GAS2: variants seen among roughly 807,000 people sequenced by gnomAD.
The protein encoded by GAS2 is growth arrest-specific protein 2.
In GAS2, 20 loss-of-function variants were observed where a neutral mutation model predicts 37.5. The observed-to-expected ratio is 0.53, with a 90% CI of 0.37 to 0.77. GAS2 has a LOEUF of 0.77. Ranked by LOEUF, GAS2 falls within the 30% of genes least tolerant of loss-of-function variation. The probability of loss-of-function intolerance (pLI) is 0.00; values close to 1 mark genes in which losing one functional copy is unlikely to be tolerated. For missense variants in GAS2, 336 were observed against 373.4 expected, an observed-to-expected ratio of 0.90 and a Z score of 0.82; for synonymous variants, 144 against 132.2, an observed-to-expected ratio of 1.09 and a Z score of -0.61.
chr11:22,787,196 G>A (rs1056839762), intron 7 of GAS2, among the ~76,000 whole-genome samples: 1 of 152,140 alleles, frequency 6.6e-6, no homozygotes, highest in Non-Finnish European at 1.5e-5. Flanking sequence ...GGAGTTTTCT[G>A]AAATGTATGA....
chr11:22,719,716 G>A (rs1443558010), intron 3 of GAS2, among the ~76,000 whole-genome samples: 1 of 152,056 alleles, frequency 6.6e-6, no homozygotes, highest in Non-Finnish European at 1.5e-5. Context: ...CATACAGCCT[G>A]TAGTATTTTT....
chr11:22,661,635 G>A (rs1039857289), upstream of GAS2, among the ~76,000 whole-genome samples: 1 of 152,204 alleles, frequency 6.6e-6, no homozygotes, highest in African/African-American at 2.4e-5. Flanking sequence ...TTTCTTCAGA[G>A]GGAGACAGTG....
rs552052111 is a variant in GAS2, at chr11:22,803,551, C to T, written c.724-8247C>T. Reference sequence around the variant, plus strand: ...TTTTAATGGAATAAAGGATTCTTGTCCCAGTTCTGCTACTGATTTGTTGTG... The same window carrying T: ...TTTTAATGGAATAAAGGATTCTTGTTCCAGTTCTGCTACTGATTTGTTGTG... On this transcript the variant is annotated intron_variant, in intron 7 of 7. Transcript: ENST00000454584. Among the ~76,000 whole-genome samples the T allele has an allele frequency of 2.6e-5, 4 of 152,194 alleles. No individual in the cohort carries two copies. In the East Asian group the frequency reaches 7.7e-4, roughly 29 times the overall value.
chr11:22,735,042 C>T (rs1175151447), intron 4 of GAS2, among the ~76,000 whole-genome samples: 2 of 151,502 alleles, frequency 1.3e-5, no homozygotes, highest in Non-Finnish European at 3.0e-5. Flanking sequence ...AAACTTTAGC[C>T]TTTATTCAGT....
intron 1 of GAS2, among the ~76,000 whole-genome samples, chr11:22,655,838 C>G (rs1294242756): frequency 6.6e-6 from 1 of 152,066 alleles, no homozygotes; most frequent in East Asian, 1.9e-4. Context: ...TCTAGATGGG[C>G]CTGAAAATTA....
Position 22,779,961 on chromosome 11 carries a change from C to G in GAS2, c.723+24008C>G, listed in dbSNP as rs138024673. Among the ~76,000 whole-genome samples the G allele has an allele frequency of 1.4e-3, 207 of 152,310 alleles. 1 individual carries two copies. The highest frequency in any genetic ancestry group is 4.7e-3 in the African/African-American group (194 of 41,564). ...TTCATGACATTCATGATGTCATAAT[C>G]TTTGCTGTGTTTTCTTCCATTCTTT... On this transcript the variant is annotated intron_variant, in intron 7 of 7. Transcript: ENST00000454584.
rs75118362 is a variant in GAS2 at position 22,768,072 on chromosome 11, A to G, written c.723+12119A>G. On this transcript the variant is annotated intron_variant, in intron 7 of 7. Transcript: ENST00000454584. Reference sequence around the variant, plus strand: ...AACTTTTAGTTCACTGAAATGGTGTATTAACATTTTCATTTGAAGGCTGGG... The same window carrying G: ...AACTTTTAGTTCACTGAAATGGTGTGTTAACATTTTCATTTGAAGGCTGGG... Among the ~76,000 whole-genome samples the G allele has an allele frequency of 1.1e-3, 164 of 152,316 alleles. 4 individuals are homozygous for G. In the East Asian group the frequency reaches 0.03, roughly 28 times the overall value.
intron 3 of GAS2, among the ~76,000 whole-genome samples, chr11:22,720,712 G>C (rs1254659799): frequency 6.6e-6 from 1 of 151,938 alleles, no homozygotes; most frequent in African/African-American, 2.4e-5. Flanking sequence ...CTTCATTTAT[G>C]TATCTCTTCT....
intron 2 of GAS2, among the ~76,000 whole-genome samples, chr11:22,676,680 T>C (rs1330959542): frequency 6.6e-6 from 1 of 152,204 alleles, no homozygotes; most frequent in Non-Finnish European, 1.5e-5. Context: ...ATTATTCTAC[T>C]TATATAGTTC....
At chr11:22,747,947 T>C (rs1853501782) in intron 5 of GAS2, among the ~76,000 whole-genome samples, 1 of 152,102 alleles carries the variant, frequency 6.6e-6, no homozygotes. Flanking sequence ...TGTGTAATGG[T>C]ATCAGTTAAA....
intron 3 of GAS2, among the ~76,000 whole-genome samples, chr11:22,692,957 A>G (rs1244975531): frequency 3.3e-5 from 5 of 152,058 alleles, no homozygotes; most frequent in African/African-American, 9.7e-5. Context: ...CCTGACCCCT[A>G]CTACTAGATG....
intron 3 of GAS2, among the ~76,000 whole-genome samples, chr11:22,697,787 T>G (rs1850609420): frequency 6.6e-6 from 1 of 152,322 alleles, no homozygotes; most frequent in Non-Finnish European, 1.5e-5. Context: ...TTTTTGTACA[T>G]TGATTTTGTA....
upstream of GAS2, among the ~76,000 whole-genome samples, chr11:22,665,983 T>A (rs1311878140): frequency 6.6e-6 from 1 of 152,222 alleles, no homozygotes; most frequent in Non-Finnish European, 1.5e-5. Flanking sequence ...TAATACATTT[T>A]ATTTATGCTC....
chr11:22,651,053 G>A (rs1848769276), intron 1 of GAS2, among the ~76,000 whole-genome samples: 1 of 152,176 alleles, frequency 6.6e-6, no homozygotes, highest in Non-Finnish European at 1.5e-5. Flanking sequence ...GCAGCAGCTG[G>A]TATCGGTTGT....
chr11:22,803,660 TTAGA>T (rs1424911945), intron 7 of GAS2, among the ~76,000 whole-genome samples: 1 of 152,066 alleles, frequency 6.6e-6, no homozygotes, highest in African/African-American at 2.4e-5. Flanking sequence ...ACATTATAGA[TTAGA>T]TAAAGTAGGT....
chr11:22,758,420 A>G (rs183730047), intron 7 of GAS2, among the ~76,000 whole-genome samples: 56 of 152,348 alleles, frequency 3.7e-4, no homozygotes, highest in Middle Eastern at 3.4e-3. Flanking sequence ...TATACATACA[A>G]TGACACATAC....
At chr11:22,690,461 A>G (rs1264357073) in intron 3 of GAS2, among the ~76,000 whole-genome samples, 2 of 152,156 alleles carry the variant, frequency 1.3e-5, no homozygotes, top group Non-Finnish European at 2.9e-5. Context: ...GCCATTTTCT[A>G]ACTCTGCATG....
chr11:22,690,274 A>G (rs1223518550), intron 3 of GAS2, among the ~76,000 whole-genome samples: 2 of 152,208 alleles, frequency 1.3e-5, no homozygotes. Context: ...TTCTAAATTT[A>G]ATATTTAGAT....
At chr11:22,779,712 AC>A (rs1379485934) in intron 7 of GAS2, among the ~76,000 whole-genome samples, 3 of 20,678 alleles carry the variant, frequency 1.5e-4, no homozygotes, top group Non-Finnish European at 2.4e-3. Context: ...AAAACAAAAA[AC>A]AAAAAAAAAA....
Sources: gnomAD v4.1 joint callset for allele counts (sites outside exome capture counted in the v4.1 genomes callset) on GRCh38, gnomAD v4.1.1 for gene constraint, MANE v1.5 for transcripts, NCBI Gene and HGNC (gene_info 2026-07-23, HGNC 2026-07-21) for gene names.